Variants in ERO1B observed in about 807,000 individuals in gnomAD.
The protein encoded by ERO1B is ERO1-like protein beta.
ERO1B carries 49 observed loss-of-function variants against 75.3 expected under a neutral mutation model. That is an observed-to-expected ratio of 0.65 (90% CI 0.52 to 0.83). The LOEUF (loss-of-function observed/expected upper bound fraction) is 0.83, where lower values mean the gene tolerates loss of function less well. Ranked by LOEUF, ERO1B falls within the 40% of genes least tolerant of loss-of-function variation. The pLI is 0.00. For missense variants in ERO1B, 512 were observed against 560.1 expected (o/e 0.91, Z 0.87); for synonymous variants, 191 against 192.9 (o/e 0.99, Z 0.08).
intron 7 of ERO1B, 21 bp from the exon 8 acceptor site, chr1:236,235,856 C>A: frequency 3.7e-6 from 6 of 1,606,044 alleles, no homozygotes; most frequent in Non-Finnish European, 5.1e-6. Context: ...AAGCATAATA[C>A]CCAAACATAG....
chr1:236,272,904 TGTA>T (rs1369353777), intron 1 of ERO1B, among the ~76,000 whole-genome samples: 1 of 152,218 alleles, frequency 6.6e-6, no homozygotes, highest in African/African-American at 2.4e-5. Flanking sequence ...TGATGAGGTT[TGTA>T]GCACCTCATT....
intron 15 of ERO1B, among the ~76,000 whole-genome samples, chr1:236,219,364 G>C (rs1269653146): frequency 6.6e-6 from 1 of 151,976 alleles, no homozygotes; most frequent in Non-Finnish European, 1.5e-5. Flanking sequence ...TTACTCTAGG[G>C]AACAATAAAA....
At chr1:236,267,235 T>C (rs1041152889) in intron 2 of ERO1B, among the ~76,000 whole-genome samples, 1 of 152,234 alleles carries the variant, frequency 6.6e-6, no homozygotes, top group African/African-American at 2.4e-5. Flanking sequence ...TTTAGTTTTA[T>C]CTTTTCTGAA....
chr1:236,226,207 T>TA, intron 12 of ERO1B, 62 bp downstream of exon 12: 1 of 1,565,200 alleles, frequency 6.4e-7, no homozygotes, highest in Non-Finnish European at 8.7e-7. Flanking sequence ...TTGTGTACTT[T>TA]AAGTGCTACC....
At chr1:236,263,667 A>C (rs147025138) in intron 2 of ERO1B, among the ~76,000 whole-genome samples, 15 of 152,206 alleles carry the variant, frequency 9.9e-5, no homozygotes, top group Middle Eastern at 3.4e-3. Flanking sequence ...TGTGTCTTTC[A>C]AGAATGTTTT....
chr1:236,217,444 T>G lies in ERO1B; in HGVS notation c.*1072A>C, dbSNP rs2950396. ...GTGAAAAGAAAAGGTGAGGGGAGAGTAAGCTTAAAGGAGGGTTGACCTAAT... is the reference window on the plus strand; with the variant it reads ...GTGAAAAGAAAAGGTGAGGGGAGAGGAAGCTTAAAGGAGGGTTGACCTAAT... On this transcript the variant is annotated 3_prime_UTR_variant, in exon 16 of 16. Transcript: ENST00000354619. 72,369 of 151,922 alleles carry G rather than the reference T, an allele frequency of 0.48. 17,932 individuals carry two copies. The highest frequency in any genetic ancestry group is 0.88 in the East Asian group (4,532 of 5,174). 9.4% of individuals were successfully genotyped at this position (151,922 alleles called of 1,614,324 possible).
chr1:236,259,485 T>C (rs772006331), intron 2 of ERO1B, among the ~76,000 whole-genome samples: 19 of 152,148 alleles, frequency 1.2e-4, no homozygotes, highest in Non-Finnish European at 2.8e-4. Context: ...CCTAACTATA[T>C]GCTGCTTATA....
Position 236,232,851 on chromosome 1 carries a change from A to G in ERO1B, c.674-12T>C. ...ACCATCATCTTCGCCTAAAAGAGAA[A>G]ATAATAGAAAAGATTTTAGAAAATG... is the stretch of plus-strand genomic sequence containing the variant. On this transcript the variant is annotated splice_polypyrimidine_tract_variant and intron_variant, in intron 8 of 15. Transcript: ENST00000354619. 1 of 1,592,962 alleles carries G rather than the reference A, an allele frequency of 6.3e-7. No homozygotes were observed. Among genetic ancestry groups the G allele is most frequent in the East Asian group, 2.3e-5 (1 of 43,952 alleles).
rs369850886 is a variant in ERO1B at position 236,215,364 on chromosome 1, G to T, written c.*3152C>A. Among the ~76,000 whole-genome samples, 69 of 152,258 alleles carry T rather than the reference G, an allele frequency of 4.5e-4. No individual in the cohort carries two copies. Among genetic ancestry groups the T allele is most frequent in the African/African-American group, 1.7e-3 (69 of 41,546 alleles). On this transcript the variant is annotated 3_prime_UTR_variant, in exon 16 of 16. Transcript: ENST00000354619. ...TAGTGCTATTGTGAAGATTAACGGTGTATTCTTTTAAAGCCAAACTATGCA... is the reference window on the plus strand; with the variant it reads ...TAGTGCTATTGTGAAGATTAACGGTTTATTCTTTTAAAGCCAAACTATGCA...
At chr1:236,273,969 A>G (rs1422447014) in intron 1 of ERO1B, among the ~76,000 whole-genome samples, 1 of 146,934 alleles carries the variant, frequency 6.8e-6, no homozygotes, top group Non-Finnish European at 1.5e-5. Context: ...CTTACTGTTG[A>G]GCCATATCCT....
chr1:236,246,758 A>G (rs1239403362), intron 5 of ERO1B, among the ~76,000 whole-genome samples: 2 of 152,186 alleles, frequency 1.3e-5, no homozygotes. Context: ...GAAAGTACAC[A>G]TGGTAATCTG....
chr1:236,251,730 C>T (rs1298615568), intron 4 of ERO1B, among the ~76,000 whole-genome samples: 1 of 152,112 alleles, frequency 6.6e-6, no homozygotes, highest in African/African-American at 2.4e-5. Context: ...TAATTCTGAA[C>T]CTGCCAGGCT....
Position 236,256,889 on chromosome 1 carries a change from A to G in ERO1B, c.223-3384T>C, listed in dbSNP as rs551287946. Reference sequence around the variant, plus strand: ...ACAGGTGACTTTTAAACTTGCAAATAAATATTCAGCAGCTATCTCTCTCTT... The same window carrying G: ...ACAGGTGACTTTTAAACTTGCAAATGAATATTCAGCAGCTATCTCTCTCTT... On this transcript the variant is annotated intron_variant, in intron 2 of 15. Coordinates refer to ENST00000354619, the MANE Select transcript of ERO1B (RefSeq NM_019891.4). Among the ~76,000 whole-genome samples, 5 of 146,606 alleles carry G rather than the reference A, an allele frequency of 3.4e-5. No individual in the cohort carries two copies. The South Asian group carries it at 1.1e-3, about 32-fold the overall frequency.
At chr1:236,248,991 G>A (rs1664951618) in intron 5 of ERO1B, among the ~76,000 whole-genome samples, 2 of 150,846 alleles carry the variant, frequency 1.3e-5, no homozygotes, top group African/African-American at 4.9e-5. Flanking sequence ...AACTTATACT[G>A]AGTCATTAGC....
At position 236,281,841 on chromosome 1, in the gene ERO1B, C is replaced by A. The variant is rs1665844422; in HGVS notation, c.-58G>T. 7.0e-6 allele frequency: 9 copies of A among 1,281,920 alleles called. No individual in the cohort carries two copies. The highest frequency in any genetic ancestry group is 3.2e-5 in the Admixed American group (1 of 31,504). 79.4% of individuals were successfully genotyped at this position (1,281,920 alleles called of 1,614,324 possible). ...CCCCTCGGGGCCGGGGAACGACGGG[C>A]GGCCCAGGCGACGACCCAAGGGGAC... On this transcript the variant is annotated 5_prime_UTR_variant, in exon 1 of 16. Coordinates refer to ENST00000354619, the MANE Select transcript of ERO1B (RefSeq NM_019891.4).
Position 236,220,899 on chromosome 1 carries a change from T to G in ERO1B, c.1276A>C (p.Asn426His). The stretch of plus-strand genomic sequence containing the variant: ...AGTTGGAAGCCTTTAGATGGACTAT[T>G]CTCTGGAAGCTTTTGGATTTCTTTT... The part of the protein sequence containing the change: ...SEKEIQKLPE[N>H]SPSKGFQLTR... Residue 426 changes from asparagine (N) to histidine (H), a missense_variant, in exon 15 of 16, where the codon AAT (asparagine) becomes CAT (histidine). Physicochemically the swap from Asn to His is moderately conservative, Grantham distance 68. Coordinates refer to ENST00000354619, the MANE Select transcript of ERO1B (RefSeq NM_019891.4). The G allele has an allele frequency of 6.2e-7, 1 of 1,604,548 alleles. No homozygotes were observed. The highest frequency in any genetic ancestry group is 1.7e-5 in the Admixed American group (1 of 58,894).
intron 9 of ERO1B, among the ~76,000 whole-genome samples, chr1:236,232,120 G>T (rs1328065505): frequency 6.6e-6 from 1 of 152,122 alleles, no homozygotes; most frequent in African/African-American, 2.4e-5. Flanking sequence ...TCGCTCCTGT[G>T]AGATACGATC....
chr1:236,263,645 CA>C (rs1665343521), intron 2 of ERO1B, among the ~76,000 whole-genome samples: 1 of 152,066 alleles, frequency 6.6e-6, no homozygotes, highest in African/African-American at 2.4e-5. Flanking sequence ...TCCATTTGTT[CA>C]AATCTACTTT....
chr1:236,218,607 G>A, intron 15 of ERO1B, 31 bp from the exon 16 acceptor site: 2 of 1,315,280 alleles, frequency 1.5e-6, no homozygotes, highest in Non-Finnish European at 2.0e-6. Context: ...TTATTAGTAA[G>A]GCTAACATGT....
Sources: gnomAD v4.1 joint callset for allele counts (sites outside exome capture counted in the v4.1 genomes callset) on GRCh38, gnomAD v4.1.1 for gene constraint, MANE v1.5 for transcripts, NCBI Gene and HGNC (gene_info 2026-07-23, HGNC 2026-07-21) for gene names.